Variants in SMARCAL1 observed in about 807,000 individuals in gnomAD.
SMARCAL1 encodes ATP-driven annealing helicase.
A neutral mutation model predicts 94.5 loss-of-function variants in SMARCAL1; 58 were observed. The ratio of observed to expected loss-of-function variants is 0.61; its 90% CI spans 0.50 to 0.76. The LOEUF (loss-of-function observed/expected upper bound fraction) is 0.76, where lower values mean the gene tolerates loss of function less well. Among genes scored for constraint, SMARCAL1 ranks in the 30% least tolerant of loss-of-function variants. The probability of loss-of-function intolerance (pLI) is 0.00; values close to 1 mark genes in which losing one functional copy is unlikely to be tolerated. For synonymous variants in SMARCAL1, 422 were observed against 455.1 expected (o/e 0.93, Z 0.93); for missense variants, 1,051 against 1,177.9 (o/e 0.89, Z 1.58).
At chr2:216,415,538 G>GTT (rs5838583) in intron 3 of SMARCAL1, 23 bp downstream of exon 3, 2,486 of 1,392,296 alleles carry the variant, frequency 1.8e-3, no homozygotes, top group Non-Finnish European at 2.1e-3. Flanking sequence ...TTTTTCAGCT[G>GTT]TTTTTTTTTT....
chr2:216,436,493 C>T (rs1210850580), intron 9 of SMARCAL1, among the ~76,000 whole-genome samples: 4 of 152,216 alleles, frequency 2.6e-5, no homozygotes, highest in Admixed American at 1.3e-4. Context: ...TTACTGACCT[C>T]AGGGGATCTA....
At chr2:216,451,171 A>G in intron 12 of SMARCAL1, 107 bp downstream of exon 12, 1 of 917,952 alleles carries the variant, frequency 1.1e-6, no homozygotes, top group Non-Finnish European at 1.8e-6. Flanking sequence ...TCCTTTCTGT[A>G]ACCTTTTCCC....
chr2:216,458,735 T>G (rs550656998), intron 12 of SMARCAL1, among the ~76,000 whole-genome samples: 3,458 of 152,210 alleles, frequency 0.023, 118 homozygotes, highest in African/African-American at 0.078. Context: ...CATACTGAAT[T>G]GGCAAAAACT....
At position 216,415,172 on chromosome 2, in the gene SMARCAL1, C is replaced by G. The variant is rs755113204; in HGVS notation, c.468C>G (p.Phe156Leu). 1 of 1,613,422 alleles carries G rather than the reference C, an allele frequency of 6.2e-7. No homozygotes were observed. The highest frequency in any genetic ancestry group is 1.7e-5 in the Admixed American group (1 of 59,918). Reference protein sequence around the residue: ...GHAQASPEIRFTPFANPTHKP... With the variant: ...GHAQASPEIRLTPFANPTHKP... ...CTCAGGCTTCACCTGAGATCAGGTT[C>G]ACACCCTTTGCTAACCCAACTCATA... is the stretch of plus-strand genomic sequence containing the variant. Residue 156 changes from phenylalanine (F) to leucine (L), a missense_variant, in exon 3 of 18, where the codon TTC becomes TTG. By Grantham distance (22) the Phe-to-Leu change is conservative. This residue lies in a region of SMARCAL1 where 398 missense variants were observed against 395.2 expected (regional missense o/e 1.01). Transcript: ENST00000357276.
intron 13 of SMARCAL1, among the ~76,000 whole-genome samples, chr2:216,466,044 C>G (rs1167775239): frequency 6.6e-6 from 1 of 152,124 alleles, no homozygotes; most frequent in Non-Finnish European, 1.5e-5. Flanking sequence ...ACTTTTCTCC[C>G]AGAAACACAT....
intron 8 of SMARCAL1, among the ~76,000 whole-genome samples, chr2:216,433,981 G>T (rs1559126896): frequency 6.7e-6 from 1 of 150,024 alleles, no homozygotes; most frequent in African/African-American, 2.4e-5. Flanking sequence ...GGTGATCTGA[G>T]TTCTTTTTTT....
rs2106014250 is a variant in SMARCAL1, at chr2:216,414,713, G to A, written c.9G>A (p.Leu3=). Residue 3 remains leucine (L), a synonymous_variant, in exon 3 of 18, where the codon TTG becomes TTA. Coordinates refer to ENST00000357276, the MANE Select transcript of SMARCAL1 (RefSeq NM_014140.4). ...AGCATTTCTCTGTGAAAATGTCCTT[G>A]CCTCTTACAGAGGAGCAGAGGAAAA... is the stretch of plus-strand genomic sequence containing the variant. MS[L]PLTEEQRKKI... is the part of the protein sequence containing the mutation. 6.2e-7 allele frequency: 1 copy of A among 1,613,574 alleles called. No homozygotes were observed. Among genetic ancestry groups the A allele is most frequent in the Non-Finnish European group, 8.5e-7 (1 of 1,179,506 alleles).
At position 216,482,993 on chromosome 2, in the gene SMARCAL1, A is replaced by G. The variant is rs1695233726; in HGVS notation, c.*16A>G. On this transcript the variant is annotated 3_prime_UTR_variant, in exon 18 of 18. Coordinates refer to ENST00000357276, the MANE Select transcript of SMARCAL1 (RefSeq NM_014140.4). This position sits in a 1 kb window ranked among gnomAD's most constrained non-coding sequence, Gnocchi z 4.3. ...TCCCCTGTAAAAGGGGCAAAAAGAA[A>G]AAAATAAAAAGCATTTTAAAATCAT... The G allele has an allele frequency of 6.2e-7, 1 of 1,610,812 alleles. No homozygotes were observed. Among genetic ancestry groups the G allele is most frequent in the African/African-American group, 1.3e-5 (1 of 74,610 alleles).
At chr2:216,465,065 T>C (rs1223004895) in intron 13 of SMARCAL1, among the ~76,000 whole-genome samples, 1 of 152,108 alleles carries the variant, frequency 6.6e-6, no homozygotes, top group Non-Finnish European at 1.5e-5. Flanking sequence ...GAGGATTGCT[T>C]GGGAGGGAGG....
chr2:216,436,956 T>C (rs1694093993), intron 9 of SMARCAL1, among the ~76,000 whole-genome samples: 2 of 152,260 alleles, frequency 1.3e-5, no homozygotes, highest in Non-Finnish European at 2.9e-5. Flanking sequence ...TCAGAATTCA[T>C]GTTCTTCTCT....
At chr2:216,446,869 C>A in intron 10 of SMARCAL1, 149 bp from the exon 11 acceptor site, 1 of 806,766 alleles carries the variant, frequency 1.2e-6, no homozygotes, top group Non-Finnish European at 2.1e-6. Flanking sequence ...TGCCATCTAA[C>A]TGCTTGCATT....
chr2:216,416,315 G>T lies in SMARCAL1; in HGVS notation c.862+8G>T. On this transcript the variant is annotated splice_region_variant and intron_variant, in intron 4 of 17. Transcript: ENST00000357276. ...ATGACTATAGTGCCCTGAGTAAGTA[G>T]ACACATGGTTGTCTCATGGAGGGTG... is the stretch of plus-strand genomic sequence containing the variant. 1 of 1,611,146 alleles carries T rather than the reference G, an allele frequency of 6.2e-7. No individual in the cohort carries two copies. Among genetic ancestry groups the T allele is most frequent in the South Asian group, 1.1e-5 (1 of 90,958 alleles).
intron 12 of SMARCAL1, among the ~76,000 whole-genome samples, chr2:216,459,912 G>A (rs1234409259): frequency 6.6e-6 from 1 of 152,128 alleles, no homozygotes; most frequent in Non-Finnish European, 1.5e-5. Flanking sequence ...TACAGAATGG[G>A]AGAAAAGTTT....
At chr2:216,416,495 T>A (rs1559121539) in intron 4 of SMARCAL1, among the ~76,000 whole-genome samples, 188 bp downstream of exon 4, 1 of 152,194 alleles carries the variant, frequency 6.6e-6, no homozygotes, top group African/African-American at 2.4e-5. Flanking sequence ...AGGCCGTTAG[T>A]AGTATTAACA....
At chr2:216,424,655 C>T (rs1693792464) in intron 6 of SMARCAL1, among the ~76,000 whole-genome samples, 3 of 151,664 alleles carry the variant, frequency 2.0e-5, no homozygotes, top group African/African-American at 7.3e-5. Context: ...AATAATTAAA[C>T]ATTCTGGGTC....
chr2:216,474,285 G>A (rs1024751572), intron 14 of SMARCAL1, among the ~76,000 whole-genome samples: 6 of 149,292 alleles, frequency 4.0e-5, no homozygotes, highest in East Asian at 2.0e-4. Context: ...GATTACAGGC[G>A]CACACCAGCA....
At chr2:216,464,739 T>C in intron 13 of SMARCAL1, 72 bp downstream of exon 13, 1 of 1,058,032 alleles carries the variant, frequency 9.5e-7, no homozygotes, top group Non-Finnish European at 1.5e-6. Flanking sequence ...TATTACTTTA[T>C]TCTGCCTGAA....
intron 8 of SMARCAL1, 94 bp downstream of exon 8, chr2:216,432,962 T>C (rs893131272): frequency 1.3e-6 from 2 of 1,495,732 alleles, no homozygotes; most frequent in Admixed American, 1.7e-5. Context: ...CTAGGGATCT[T>C]TAAGGATCCT....
At chr2:216,468,442 T>C (rs1167210853) in intron 14 of SMARCAL1, among the ~76,000 whole-genome samples, 2 of 152,256 alleles carry the variant, frequency 1.3e-5, no homozygotes, top group African/African-American at 4.8e-5. Context: ...CAAAGCACTT[T>C]TATTAATTCC....
Sources: gnomAD v4.1 joint callset for allele counts (sites outside exome capture counted in the v4.1 genomes callset) on GRCh38, gnomAD v4.1.1 for gene constraint, gnomAD v4.1.1 regional missense constraint, Gnocchi (gnomAD v3.1) non-coding constraint, MANE v1.5 for transcripts, NCBI Gene and HGNC (gene_info 2026-07-23, HGNC 2026-07-21) for gene names.